The following DND1 variants were observed in gnomAD, a reference collection of about 807,000 sequenced individuals.
DND1 encodes dead end protein homolog 1.
A neutral mutation model predicts 30.4 loss-of-function variants in DND1; 6 were observed. The observed-to-expected ratio is 0.20, with a 90% CI of 0.11 to 0.39. The LOEUF is 0.39. Ranked by LOEUF, DND1 falls within the 10% of genes least tolerant of loss-of-function variation. DND1 has a pLI of 1.00. For missense variants in DND1, 358 were observed against 474.9 expected, an observed-to-expected ratio of 0.75 and a Z score of 2.29; for synonymous variants, 178 against 210.4, an observed-to-expected ratio of 0.85 and a Z score of 1.33.
chr5:140,673,426 A>G, intron 1 of DND1, 38 bp from the exon 2 acceptor site: 4 of 1,613,758 alleles, frequency 2.5e-6, no homozygotes, highest in Non-Finnish European at 3.4e-6. Context: ...CGGATCGCCA[A>G]GCGCGCCCCC....
Position 140,671,319 on chromosome 5 carries a change from C to T in DND1, c.1036G>A (p.Glu346Lys), listed in dbSNP as rs754224591. ...CACTGTTTAACCATGGTACCTGCCT[C>T]AGCCCCAGCAGACCACAGGAGGTTG... ...GANLLWSAGA[E>K]AGTMVKQ The change falls in exon 4 of 4, where the codon GAG (glutamate) becomes AAG (lysine). Residue 346 changes from glutamate to lysine, a missense_variant. This residue lies in a region of DND1 where 176 missense variants were observed against 235.2 expected (regional missense o/e 0.75). Coordinates refer to ENST00000542735, the MANE Select transcript of DND1 (RefSeq NM_194249.3). 6.2e-7 allele frequency: 1 copy of T among 1,612,940 alleles called. No individual in the cohort carries two copies. The highest frequency in any genetic ancestry group is 1.7e-5 in the Admixed American group (1 of 60,030).
At position 140,671,057 on chromosome 5, in the gene DND1, G is replaced by C. The variant is rs368759325; in HGVS notation, c.*236C>G. ...AGGAACGGCCATGGAAGATCACTGG[G>C]TCAGGTTGGACCCTGGGCTGGGAGC... is the stretch of plus-strand genomic sequence containing the variant. On this transcript the variant is annotated 3_prime_UTR_variant, in exon 4 of 4. Transcript: ENST00000542735. The C allele has an allele frequency of 1.7e-6, 1 of 601,540 alleles. No homozygotes were observed. Among genetic ancestry groups the C allele is most frequent in the African/African-American group, 1.9e-5 (1 of 53,862 alleles). 37.3% of individuals were successfully genotyped at this position (601,540 alleles called of 1,614,324 possible).
chr5:140,672,377 G>C, intron 3 of DND1, 68 bp downstream of exon 3: 1 of 1,455,436 alleles, frequency 6.9e-7, no homozygotes, highest in Admixed American at 2.0e-5. Context: ...AACTTTAACA[G>C]CTATGCTCAG....
Position 140,672,474 on chromosome 5 carries a change from G to T in DND1, c.575C>A (p.Ala192Asp). 6.2e-7 allele frequency: 1 copy of T among 1,604,574 alleles called. No individual in the cohort carries two copies. Among genetic ancestry groups the T allele is most frequent in the East Asian group, 2.2e-5 (1 of 44,694 alleles). Residue 192 changes from alanine to aspartate, a missense_variant, in exon 3 of 4, where the codon GCT (alanine) becomes GAT (aspartate). By Grantham distance (126) the Ala-to-Asp change is moderately radical. Transcript: ENST00000542735. ...CACCAGGGCCTTTTTGGCCATGGCA[G>T]CGGCCCGGTGCGAGCTGAATTTGAG... Reference protein sequence around the residue: ...ALLKFSSHRAAAMAKKALVEG... With the variant: ...ALLKFSSHRADAMAKKALVEG...
In DND1 at chr5:140,671,284, A is replaced by G; in HGVS notation, c.*9T>C. On this transcript the variant is annotated 3_prime_UTR_variant, in exon 4 of 4. Transcript: ENST00000542735. ...GCCCATTCAGGGTGCCTGTGGAGAA[A>G]GAATGGAGTCACTGTTTAACCATGG... 6.2e-7 allele frequency: 1 copy of G among 1,612,718 alleles called. No individual in the cohort carries two copies. The highest frequency in any genetic ancestry group is 8.5e-7 in the Non-Finnish European group (1 of 1,179,954).
chr5:140,672,108 A>G, intron 3 of DND1: 1 of 543,182 alleles, frequency 1.8e-6, no homozygotes, highest in South Asian at 2.1e-5. Context: ...GAGGAAACAG[A>G]TTCTATAGTA....
Position 140,672,918 on chromosome 5 carries a change from G to A in DND1, c.143-12C>T, listed in dbSNP as rs1372874598. 6.5e-7 allele frequency: 1 copy of A among 1,536,698 alleles called. No individual in the cohort carries two copies. Among genetic ancestry groups the A allele is most frequent in the African/African-American group, 1.4e-5 (1 of 73,074 alleles). ...GCTGCCCACCCAGCCTGTGGGAAGA[G>A]GGTATGCAAGGCCACCGTCAGGCGA... On this transcript the variant is annotated splice_polypyrimidine_tract_variant and intron_variant, in intron 2 of 3. Coordinates refer to ENST00000542735, the MANE Select transcript of DND1 (RefSeq NM_194249.3).
intron 2 of DND1, 77 bp from the exon 3 acceptor site, chr5:140,672,983 G>T (rs1018655673): frequency 4.1e-6 from 6 of 1,470,162 alleles, no homozygotes; most frequent in South Asian, 1.2e-5. Context: ...GCGCGCGGGG[G>T]TGGGAGGCGA....
In DND1 at chr5:140,671,419, A is replaced by T. The variant is rs1160244439; in HGVS notation, c.936T>A (p.Asp312Glu). ...SGLIWVVLTL[D>E]GRDGHEVAKD... The stretch of plus-strand genomic sequence containing the variant: ...TGGCCACCTCATGCCCATCCCGGCC[A>T]TCTAGGGTCAGCACAACCCAGATGA... The change falls in exon 4 of 4, where the codon GAT (aspartate) becomes GAA (glutamate). Residue 312 changes from aspartate to glutamate, a missense_variant. Physicochemically the swap from Asp to Glu is conservative, Grantham distance 45. This residue lies in a region of DND1 where 176 missense variants were observed against 235.2 expected (regional missense o/e 0.75). Coordinates refer to ENST00000542735, the MANE Select transcript of DND1 (RefSeq NM_194249.3). 1.2e-6 allele frequency: 2 copies of T among 1,612,044 alleles called. No homozygotes were observed. Among genetic ancestry groups the T allele is most frequent in the Non-Finnish European group, 1.7e-6 (2 of 1,179,866 alleles).
chr5:140,671,231 G>C lies in DND1; in HGVS notation c.*62C>G. ...CAGAAAGTGGCCACCCAGGCCTGCT[G>C]GGATGGGGCCTGACACAGGCTCTGC... On this transcript the variant is annotated 3_prime_UTR_variant, in exon 4 of 4. Coordinates refer to ENST00000542735, the MANE Select transcript of DND1 (RefSeq NM_194249.3). The C allele has an allele frequency of 1.2e-6, 2 of 1,603,618 alleles. No homozygotes were observed. The highest frequency in any genetic ancestry group is 1.7e-6 in the Non-Finnish European group (2 of 1,172,910).
chr5:140,673,193 C>CA, intron 2 of DND1, 78 bp downstream of exon 2: 2 of 1,500,948 alleles, frequency 1.3e-6, no homozygotes, highest in East Asian at 4.5e-5. Flanking sequence ...CAGTTTCTGA[C>CA]AGTGAAGGCT....
Position 140,673,574 on chromosome 5 carries a change from TA to T in DND1, c.-33del. ...CCAGCTGGCCCCCTCGTACCCTCTTTATAACTTCCTCCCCACCGGCCTCTGG... is the reference window on the plus strand; with the variant it reads ...CCAGCTGGCCCCCTCGTACCCTCTTTTAACTTCCTCCCCACCGGCCTCTGG... On this transcript the variant is annotated 5_prime_UTR_variant, in exon 1 of 4. Coordinates refer to ENST00000542735, the MANE Select transcript of DND1 (RefSeq NM_194249.3). 1 of 1,557,366 alleles carries T rather than the reference TA, an allele frequency of 6.4e-7. No homozygotes were observed. The highest frequency in any genetic ancestry group is 8.7e-7 in the Non-Finnish European group (1 of 1,149,826).
rs1158306501 is a variant in DND1 at position 140,673,519 on chromosome 5, C to T, written c.24G>A (p.Glu8=). Residue 8 remains glutamate, a splice_region_variant and synonymous_variant, in exon 1 of 4, where the codon GAG becomes GAA. Coordinates refer to ENST00000542735, the MANE Select transcript of DND1 (RefSeq NM_194249.3). The stretch of plus-strand genomic sequence containing the variant: ...GGCCCCCAAGTCGCCAGCCGCTTAC[C>T]TCACAATCCCGCTTGGACTGCATGG... MQSKRDC[E]LWCERVNPEN... The T allele has an allele frequency of 6.3e-7, 1 of 1,593,084 alleles. No individual in the cohort carries two copies. Among genetic ancestry groups the T allele is most frequent in the Non-Finnish European group, 8.6e-7 (1 of 1,169,408 alleles).
Position 140,672,913 on chromosome 5 carries a change from G to GA in DND1, c.143-8dup. ...GGCGGGCTGCCCACCCAGCCTGTGGGAAGAGGGTATGCAAGGCCACCGTCA... is the reference window on the plus strand; with the variant it reads ...GGCGGGCTGCCCACCCAGCCTGTGGGAAAGAGGGTATGCAAGGCCACCGTCA... On this transcript the variant is annotated splice_region_variant and splice_polypyrimidine_tract_variant and intron_variant, in intron 2 of 3. Coordinates refer to ENST00000542735, the MANE Select transcript of DND1 (RefSeq NM_194249.3). The GA allele has an allele frequency of 6.5e-7, 1 of 1,537,088 alleles. No individual in the cohort carries two copies. The highest frequency in any genetic ancestry group is 1.4e-5 in the African/African-American group (1 of 73,190).
At chr5:140,671,963 G>A (rs1758088747) in intron 3 of DND1, 3 of 623,270 alleles carry the variant, frequency 4.8e-6, no homozygotes, top group Non-Finnish European at 8.4e-6. Context: ...CCTTGGAGAA[G>A]TACTGGTTAA....
chr5:140,672,774 GTCA>G lies in DND1; in HGVS notation c.272_274del (p.Met91del), dbSNP rs1758127363. The G allele has an allele frequency of 6.3e-7, 1 of 1,587,996 alleles. No individual in the cohort carries two copies. On this transcript the variant is annotated inframe_deletion, in exon 3 of 4. Transcript: ENST00000542735. ...GAAGCCGCGGTTCAGGCCGCTGAAG[GTCA>G]TCATCAGGCGGAACTCGTAGAGGCG... is the stretch of plus-strand genomic sequence containing the variant.
At chr5:140,671,852 C>T in intron 3 of DND1, 102 bp from the exon 4 acceptor site, 3 of 1,299,388 alleles carry the variant, frequency 2.3e-6, no homozygotes, top group South Asian at 2.6e-5. Flanking sequence ...TTGTAGCCTT[C>T]CCATTTCCTG....
In DND1 at chr5:140,672,847, C is replaced by T. The variant is rs776601209; in HGVS notation, c.202G>A (p.Asp68Asn). 2 of 1,545,464 alleles carry T rather than the reference C, an allele frequency of 1.3e-6. No individual in the cohort carries two copies. Among genetic ancestry groups the T allele is most frequent in the South Asian group, 1.2e-5 (1 of 84,756 alleles). Residue 68 changes from aspartate (D) to asparagine (N), a missense_variant, in exon 3 of 4, where the codon GAC becomes AAC. This residue lies in a region of DND1 where 120 missense variants were observed against 199.1 expected (regional missense o/e 0.60). Coordinates refer to ENST00000542735, the MANE Select transcript of DND1 (RefSeq NM_194249.3). ...GGGATAAGCTGGTGCTCGTACACGT[C>T]CTGAGGCAGCCGCCCGATGAACACC... ...SEVFIGRLPQ[D>N]VYEHQLIPLF...
intron 2 of DND1, 30 bp from the exon 3 acceptor site, chr5:140,672,936 T>C: frequency 1.3e-6 from 2 of 1,535,636 alleles, no homozygotes; most frequent in Non-Finnish European, 1.7e-6. Flanking sequence ...AAGGCCACCG[T>C]CAGGCGACGC....
Sources: allele counts gnomAD v4.1 joint callset, GRCh38; gene constraint gnomAD v4.1.1; regional missense constraint gnomAD v4.1.1; transcripts MANE v1.5; gene names NCBI Gene and HGNC (gene_info 2026-07-23, HGNC 2026-07-21).